Variants in OPA3 observed in about 807,000 individuals in gnomAD.
The protein encoded by OPA3 is optic atrophy 3 protein.
Under a neutral mutation model 4.0 loss-of-function variants are expected in OPA3, and 6 were observed. The ratio of observed to expected loss-of-function variants is 1.51; its 90% CI spans 0.83 to 2.99. OPA3 has a LOEUF of 2.99. Among genes scored for constraint, OPA3 ranks in the 30% most tolerant of loss-of-function variants. The probability of loss-of-function intolerance (pLI) is 0.00; values close to 1 mark genes in which losing one functional copy is unlikely to be tolerated. For missense variants in OPA3, 235 were observed against 256.2 expected (o/e 0.92, Z 0.56); for synonymous variants, 105 against 117.1 (o/e 0.90, Z 0.67).
intron 1 of OPA3, among the ~76,000 whole-genome samples, chr19:45,557,502 A>G (rs780384637): frequency 1.3e-5 from 2 of 152,096 alleles, no homozygotes; most frequent in Non-Finnish European, 2.9e-5. Context: ...TAGACCTCTC[A>G]CACTCAGCAC....
intron 1 of OPA3, among the ~76,000 whole-genome samples, chr19:45,536,251 A>G (rs1969116998): frequency 6.6e-6 from 1 of 151,044 alleles, no homozygotes; most frequent in African/African-American, 2.4e-5. Context: ...AAAATTAAAA[A>G]AAAAAATGTG....
chr19:45,565,227 C>T (rs973884612), intron 1 of OPA3, among the ~76,000 whole-genome samples: 36 of 151,716 alleles, frequency 2.4e-4, no homozygotes, highest in African/African-American at 8.0e-4. Context: ...AGCAAGACTC[C>T]GTCTCAAAAA....
At chr19:45,544,241 C>T (rs1174687995), downstream of OPA3, among the ~76,000 whole-genome samples, 2 of 152,222 alleles carry the variant, frequency 1.3e-5, no homozygotes, top group African/African-American at 2.4e-5. Context: ...CTGCAAGCTA[C>T]ATGCACGTTC....
chr19:45,542,747 C>T (rs1358526704), downstream of OPA3, among the ~76,000 whole-genome samples: 1 of 149,592 alleles, frequency 6.7e-6, no homozygotes. Flanking sequence ...GATCCTGGCT[C>T]ACTGCAGCCT....
chr19:45,552,216 T>TG lies in OPA3; in HGVS notation c.*1297dup, dbSNP rs1969343404. 1.0e-6 allele frequency: 1 copy of TG among 963,696 alleles called. No individual in the cohort carries two copies. Among genetic ancestry groups the TG allele is most frequent in the Non-Finnish European group, 1.2e-6 (1 of 817,230 alleles). The allele number at this position is 963,696 out of a possible 1,614,324, so 59.7% of individuals were successfully genotyped here. A position where few individuals can be genotyped will look rare whatever the true frequency, so the allele number is the denominator to read the frequency against. ...ATTGACTGCAGGCCAGGACCTTTTGTGGGTTTTTTTAAGATGGAGTTTTGC... is the reference window on the plus strand; with the variant it reads ...ATTGACTGCAGGCCAGGACCTTTTGTGGGGTTTTTTTAAGATGGAGTTTTGC... On this transcript the variant is annotated 3_prime_UTR_variant, in exon 2 of 2. Transcript: ENST00000263275.
At chr19:45,566,794 T>C (rs1261679915) in intron 1 of OPA3, among the ~76,000 whole-genome samples, 1 of 152,006 alleles carries the variant, frequency 6.6e-6, no homozygotes, top group African/African-American at 2.4e-5. Flanking sequence ...CTTATAAAAT[T>C]AAATATAACC....
At chr19:45,578,295 A>T (rs986281831) in intron 1 of OPA3, among the ~76,000 whole-genome samples, 1 of 152,140 alleles carries the variant, frequency 6.6e-6, no homozygotes, top group Non-Finnish European at 1.5e-5. Flanking sequence ...GACCCTCCCT[A>T]AACTGCTCCT....
intron 1 of OPA3, among the ~76,000 whole-genome samples, chr19:45,532,428 G>A (rs918764123): frequency 6.6e-6 from 1 of 152,132 alleles, no homozygotes; most frequent in African/African-American, 2.4e-5. Flanking sequence ...AGAGACTCCT[G>A]AGCTTGCAGT....
intron 1 of OPA3, among the ~76,000 whole-genome samples, chr19:45,572,898 T>C (rs1199066086): frequency 6.6e-6 from 1 of 150,570 alleles, no homozygotes; most frequent in African/African-American, 2.4e-5. Context: ...ATCTGAAGGA[T>C]TTCTCCAAGG....
chr19:45,563,705 G>A (rs1315040278), intron 1 of OPA3, among the ~76,000 whole-genome samples: 1 of 151,858 alleles, frequency 6.6e-6, no homozygotes, highest in African/African-American at 2.4e-5. Context: ...ACAGGCGCAC[G>A]CCACCATGCC....
At chr19:45,577,088 G>GC (rs1320204513) in intron 1 of OPA3, among the ~76,000 whole-genome samples, 2 of 152,194 alleles carry the variant, frequency 1.3e-5, no homozygotes, top group Admixed American at 1.3e-4. Flanking sequence ...GCCTCAACCT[G>GC]CCTAACATCA....
chr19:45,537,695 C>A (rs1462790337), intron 1 of OPA3, among the ~76,000 whole-genome samples: 1 of 151,746 alleles, frequency 6.6e-6, no homozygotes, highest in Admixed American at 6.6e-5. Context: ...TGCAGTGGTG[C>A]GATCTCGGCT....
intron 1 of OPA3, among the ~76,000 whole-genome samples, chr19:45,564,608 G>C (rs1478617386): frequency 6.6e-6 from 1 of 152,138 alleles, no homozygotes; most frequent in Non-Finnish European, 1.5e-5. Flanking sequence ...CTGCCACTGA[G>C]GTCCAGATAG....
intron 1 of OPA3, among the ~76,000 whole-genome samples, chr19:45,580,126 A>G (rs1393500833): frequency 1.3e-5 from 2 of 150,488 alleles, no homozygotes; most frequent in Non-Finnish European, 2.9e-5. Context: ...CCTCCCGAGT[A>G]GCTGGGATTA....
exon 2 of OPA3, chr19:45,527,716 C>T (rs1486456772): frequency 6.6e-6 from 1 of 152,158 alleles, no homozygotes; most frequent in Admixed American, 6.6e-5. Flanking sequence ...GCCTTCTTTC[C>T]TAATTTCAAT....
intron 1 of OPA3, among the ~76,000 whole-genome samples, chr19:45,533,593 G>T (rs1470981424): frequency 6.6e-6 from 1 of 152,248 alleles, no homozygotes; most frequent in Non-Finnish European, 1.5e-5. Context: ...TTAAACATCA[G>T]CCGGATCCTA....
At chr19:45,580,154 G>A (rs568915083) in intron 1 of OPA3, among the ~76,000 whole-genome samples, 42 of 150,184 alleles carry the variant, frequency 2.8e-4, no homozygotes, top group South Asian at 1.3e-3. Context: ...GTGCCACCAC[G>A]CCCAGCTAAT....
At chr19:45,570,746 C>T (rs924220939) in intron 1 of OPA3, among the ~76,000 whole-genome samples, 67 of 150,650 alleles carry the variant, frequency 4.4e-4, no homozygotes, top group African/African-American at 1.6e-3. Context: ...GCCTGTAATC[C>T]CAGCTGCTCG....
rs763348163 is a variant in OPA3 at position 45,529,367 on chromosome 19, C to A, written c.232G>T (p.Glu78Ter). Residue 78 changes from glutamate to a stop codon, truncating the protein, a stop_gained, in exon 2 of 2, where the codon GAG becomes TAG. Transcript: ENST00000323060. LOFTEE classifies it low-confidence loss of function (END_TRUNC). ...TCGCCCAGCAGCTCCGCGCCCAGCT[C>A]GGCGGCTGCACCCTCGTTCAGCGGC... The A allele has an allele frequency of 1.3e-5, 21 of 1,614,074 alleles. No homozygotes were observed. The South Asian group carries it at 2.3e-4, about 18-fold the overall frequency.
Sources: gnomAD v4.1 joint callset for allele counts (sites outside exome capture counted in the v4.1 genomes callset) on GRCh38, gnomAD v4.1.1 for gene constraint, MANE v1.5 for transcripts, NCBI Gene and HGNC (gene_info 2026-07-23, HGNC 2026-07-21) for gene names.